The following PEAK1 variants were observed in gnomAD, a reference collection of about 807,000 sequenced individuals.
PEAK1 encodes inactive tyrosine-protein kinase PEAK1.
A neutral mutation model predicts 124.7 loss-of-function variants in PEAK1; 54 were observed. That is an observed-to-expected ratio of 0.43 (90% CI 0.35 to 0.54). The LOEUF (loss-of-function observed/expected upper bound fraction) is 0.54, where lower values mean the gene tolerates loss of function less well. Among genes scored for constraint, PEAK1 ranks in the 20% least tolerant of loss-of-function variants. The pLI is 0.01. For synonymous variants in PEAK1, 719 were observed against 760.0 expected (o/e 0.95, Z 0.89); for missense variants, 2,046 against 2,134.5 (o/e 0.96, Z 0.82).
intron 5 of PEAK1, among the ~76,000 whole-genome samples, chr15:77,267,329 C>G (rs2061789595): frequency 6.6e-6 from 1 of 152,006 alleles, no homozygotes; most frequent in Admixed American, 6.6e-5. Flanking sequence ...TGGTCCCAAC[C>G]TTCTCCTCAT....
intron 2 of PEAK1, chr15:77,352,423 T>C: frequency 1.0e-6 from 1 of 985,242 alleles, no homozygotes; most frequent in Non-Finnish European, 1.2e-6. Flanking sequence ...CTCATTCAGA[T>C]ACACGCACCA....
chr15:77,194,622 C>A (rs977246902), intron 6 of PEAK1, among the ~76,000 whole-genome samples: 6 of 152,164 alleles, frequency 3.9e-5, no homozygotes, highest in Non-Finnish European at 8.8e-5. Context: ...TACTCCACCC[C>A]CCGACCCCCA....
At position 77,386,799 on chromosome 15, in the gene PEAK1, T is replaced by C. The variant is rs183921300; in HGVS notation, c.-665-21574A>G. 2.6e-5 allele frequency among the ~76,000 whole-genome samples: 4 copies of C among 152,308 alleles called. No homozygotes were observed. In the East Asian group the frequency reaches 7.7e-4, roughly 29 times the overall value. ...AGAAGATCTTCCCACGACACCACTA[T>C]GTCTAGATTCCTACTGAACTGCAAA... On this transcript the variant is annotated intron_variant, in intron 1 of 9. Transcript: ENST00000682557.
At chr15:77,170,624 A>G (rs1419020230) in intron 7 of PEAK1, among the ~76,000 whole-genome samples, 1 of 152,170 alleles carries the variant, frequency 6.6e-6, no homozygotes, top group Non-Finnish European at 1.5e-5. Context: ...CTGGTTCCTT[A>G]GGCATAGTTT....
At chr15:77,199,000 A>G (rs2152842694) in intron 6 of PEAK1, among the ~76,000 whole-genome samples, 1 of 152,308 alleles carries the variant, frequency 6.6e-6, no homozygotes, top group South Asian at 2.1e-4. Context: ...ATTTGTATGG[A>G]AGAGAAGTAA....
At position 77,351,377 on chromosome 15, in the gene PEAK1, A is replaced by C. The variant is rs80223379; in HGVS notation, c.-603+13786T>G. Reference sequence around the variant, plus strand: ...GGTAATAGGTAAGAATGAAAAAGTAAGTATGATCAGAATGAGGCAGGAAAA... The same window carrying C: ...GGTAATAGGTAAGAATGAAAAAGTACGTATGATCAGAATGAGGCAGGAAAA... On this transcript the variant is annotated intron_variant, in intron 2 of 9. Transcript: ENST00000682557. 7.6e-3 allele frequency among the ~76,000 whole-genome samples: 1,157 copies of C among 152,310 alleles called. 15 individuals are homozygous for C. The highest frequency in any genetic ancestry group is 0.027 in the African/African-American group (1,102 of 41,556).
At chr15:77,315,157 T>C (rs970892045) in intron 2 of PEAK1, among the ~76,000 whole-genome samples, 1 of 152,228 alleles carries the variant, frequency 6.6e-6, no homozygotes, top group Non-Finnish European at 1.5e-5. Context: ...TAGAAACAAT[T>C]TGACTTTTGT....
chr15:77,237,151 G>A (rs555767731), intron 6 of PEAK1, among the ~76,000 whole-genome samples: 189 of 152,218 alleles, frequency 1.2e-3, no homozygotes, highest in African/African-American at 4.5e-3. Context: ...GAAGAAACAA[G>A]TAACACTGAA....
intron 2 of PEAK1, among the ~76,000 whole-genome samples, chr15:77,295,439 A>T (rs2063435824): frequency 6.6e-6 from 1 of 152,158 alleles, no homozygotes; most frequent in African/African-American, 2.4e-5. Context: ...TGCTTTGAAG[A>T]ACATGGTCTT....
chr15:77,197,017 AT>A lies in PEAK1; in HGVS notation c.-114-14978del, dbSNP rs35205531. Among the ~76,000 whole-genome samples the A allele has an allele frequency of 9.2e-3, 1,296 of 141,540 alleles. 6 individuals carry two copies. Among genetic ancestry groups the A allele is most frequent in the Non-Finnish European group, 0.01 (682 of 65,238 alleles). 92.9% of individuals were successfully genotyped at this position (141,540 alleles called of 152,430 possible). A position where few individuals can be genotyped will look rare whatever the true frequency, so the allele number is the denominator to read the frequency against. ...AGGTGTCTGCCACTATGCCTGGCTAATTTTTTTTTTTTTTTTTAAGATACAG... is the reference window on the plus strand; with the variant it reads ...AGGTGTCTGCCACTATGCCTGGCTAATTTTTTTTTTTTTTTTAAGATACAG... On this transcript the variant is annotated intron_variant, in intron 6 of 9. Transcript: ENST00000682557.
intron 2 of PEAK1, among the ~76,000 whole-genome samples, chr15:77,325,935 G>A (rs2065546903): frequency 6.6e-6 from 1 of 151,944 alleles, no homozygotes; most frequent in South Asian, 2.1e-4. Flanking sequence ...AATGTAAGGT[G>A]ACCATATAAA....
At chr15:77,289,076 C>A (rs7163620) in intron 2 of PEAK1, among the ~76,000 whole-genome samples, 1 of 151,890 alleles carries the variant, frequency 6.6e-6, no homozygotes, top group African/African-American at 2.4e-5. Flanking sequence ...CTATAAAGAG[C>A]CTTAGATACT....
chr15:77,404,133 T>C (rs2071605216), intron 1 of PEAK1: 1 of 985,220 alleles, frequency 1.0e-6, no homozygotes. Flanking sequence ...TTAACACTTG[T>C]GTGACATGAA....
At chr15:77,171,326 C>G (rs1220399006) in intron 7 of PEAK1, among the ~76,000 whole-genome samples, 1 of 152,010 alleles carries the variant, frequency 6.6e-6, no homozygotes, top group Non-Finnish European at 1.5e-5. Flanking sequence ...CTGAGAACAT[C>G]TGAAAATAAT....
At chr15:77,297,610 T>C (rs1405174580) in intron 2 of PEAK1, among the ~76,000 whole-genome samples, 1 of 151,534 alleles carries the variant, frequency 6.6e-6, no homozygotes, top group East Asian at 1.9e-4. Flanking sequence ...AATACAAAAA[T>C]TAGCTGGGCA....
Position 77,179,065 on chromosome 15 carries a change from G to T in PEAK1, c.2862C>A (p.Gly954=). Residue 954 remains glycine, a synonymous_variant, in exon 7 of 10, where the codon GGC becomes GGA. Coordinates refer to ENST00000682557, the MANE Select transcript of PEAK1 (RefSeq NM_001385026.1). ...EKEREKGKLV[G]LDGTVIHMLP... is the part of the protein sequence containing the mutation. The stretch of plus-strand genomic sequence containing the variant: ...GCATGTGAATGACTGTGCCATCCAG[G>T]CCCACCAGTTTCCCTTTCTCTCGCT... 6.2e-7 allele frequency: 1 copy of T among 1,614,100 alleles called. No homozygotes were observed.
rs75870802 is a variant in PEAK1, at chr15:77,187,753, T to C, written c.-114-5713A>G. The stretch of plus-strand genomic sequence containing the variant: ...AGTCAAGAATCCTCACTGCTGTACG[T>C]GGGCTTTTAAGGACACTCTCAGTGA... On this transcript the variant is annotated intron_variant, in intron 6 of 9. Coordinates refer to ENST00000682557, the MANE Select transcript of PEAK1 (RefSeq NM_001385026.1). Among the ~76,000 whole-genome samples, 1,125 of 152,310 alleles carry C rather than the reference T, an allele frequency of 7.4e-3. 16 individuals carry two copies. Among genetic ancestry groups the C allele is most frequent in the African/African-American group, 0.026 (1,069 of 41,562 alleles).
In PEAK1 at chr15:77,178,771, T is replaced by C; in HGVS notation, c.3137+19A>G. ...ATGTGTTAAAAAATTCCCATATTCT[T>C]CCAGTCTATTTTACATACCTGAGAA... On this transcript the variant is annotated intron_variant, in intron 7 of 9. Transcript: ENST00000682557. The C allele has an allele frequency of 6.3e-7, 1 of 1,593,826 alleles. No homozygotes were observed. The highest frequency in any genetic ancestry group is 8.6e-7 in the Non-Finnish European group (1 of 1,169,486).
At chr15:77,382,441 G>A (rs906899085) in intron 1 of PEAK1, among the ~76,000 whole-genome samples, 3 of 152,036 alleles carry the variant, frequency 2.0e-5, no homozygotes, top group African/African-American at 7.3e-5. Context: ...CTTTCGCCTT[G>A]TCTGTGTGGC....
Sources: allele counts gnomAD v4.1 joint callset (sites outside exome capture counted in the v4.1 genomes callset), GRCh38; gene constraint gnomAD v4.1.1; transcripts MANE v1.5; gene names NCBI Gene and HGNC (gene_info 2026-07-23, HGNC 2026-07-21).